The following ZFC3H1 variants were observed in gnomAD, a reference collection of about 807,000 sequenced individuals.
ZFC3H1 encodes zinc finger C3H1 domain-containing protein.
A neutral mutation model predicts 243.7 loss-of-function variants in ZFC3H1; 71 were observed. The observed-to-expected ratio is 0.29, with a 90% confidence interval of 0.24 to 0.36. The LOEUF (loss-of-function observed/expected upper bound fraction) is 0.36. Among genes scored for constraint, ZFC3H1 ranks in the 10% least tolerant of loss-of-function variants. The pLI, the probability that ZFC3H1 is intolerant of heterozygous loss-of-function variation, is 1.00. For synonymous variants in ZFC3H1, 838 were observed against 813.0 expected, an observed-to-expected ratio of 1.03 and a Z score of -0.52; for missense variants, 1,966 against 2,317.1, an observed-to-expected ratio of 0.85 and a Z score of 3.11.
intron 1 of ZFC3H1, chr12:71,660,519 T>G (rs901491493): frequency 1.3e-5 from 2 of 148,568 alleles, no homozygotes; most frequent in Non-Finnish European, 3.0e-5. Flanking sequence ...TTCTGGTACT[T>G]TTTTTTTTTT....
chr12:71,629,140 T>A, intron 19 of ZFC3H1, 103 bp from the exon 20 acceptor site: 15 of 963,562 alleles, frequency 1.6e-5, no homozygotes, highest in Non-Finnish European at 2.0e-5. Context: ...ATTCACTCCA[T>A]CTTAGAAATG....
intron 2 of ZFC3H1, among the ~76,000 whole-genome samples, chr12:71,655,062 T>C (rs1005667146): frequency 2.6e-5 from 4 of 151,912 alleles, no homozygotes; most frequent in African/African-American, 9.7e-5. Context: ...ATCAAGCATA[T>C]CAAAAAATAA....
chr12:71,644,011 C>A (rs1398186215), intron 5 of ZFC3H1, 84 bp downstream of exon 5: 1 of 1,200,794 alleles, frequency 8.3e-7, no homozygotes, highest in East Asian at 2.4e-5. Flanking sequence ...ATAAAATAAA[C>A]TTCCTTATTT....
intron 2 of ZFC3H1, among the ~76,000 whole-genome samples, chr12:71,648,248 T>C (rs1385745875): frequency 6.6e-6 from 1 of 152,186 alleles, no homozygotes; most frequent in Non-Finnish European, 1.5e-5. Context: ...GATTTGTGCA[T>C]TAGAGAATTG....
chr12:71,628,717 T>C (rs1325788022), intron 20 of ZFC3H1, among the ~76,000 whole-genome samples: 1 of 152,202 alleles, frequency 6.6e-6, no homozygotes, highest in Non-Finnish European at 1.5e-5. Context: ...AGAGGAGCCA[T>C]GAACACAAAT....
At position 71,644,951 on chromosome 12, in the gene ZFC3H1, G is replaced by C. The variant is rs770311043; in HGVS notation, c.1205C>G (p.Thr402Ser). ...QVMKESKEKL[T>S]KTKTVQQKVK... ...TTTTTGCTGTACAGTTTTCGTCTTA[G>C]TCAACTTTTCTTTGCTTTCTTTCAT... is the stretch of plus-strand genomic sequence containing the variant. Residue 402 changes from threonine (T) to serine (S), a missense_variant, in exon 4 of 35, where the codon ACT (threonine) becomes AGT (serine). Transcript: ENST00000378743. The C allele has an allele frequency of 6.2e-7, 1 of 1,613,152 alleles. No homozygotes were observed. The highest frequency in any genetic ancestry group is 8.5e-7 in the Non-Finnish European group (1 of 1,180,006).
chr12:71,642,778 C>T (rs571110915), intron 5 of ZFC3H1, among the ~76,000 whole-genome samples: 9 of 152,158 alleles, frequency 5.9e-5, no homozygotes, highest in Admixed American at 4.6e-4. Context: ...TTCCAAAGTA[C>T]GAGCTATACA....
At chr12:71,660,919 C>T (rs544127783) in intron 1 of ZFC3H1, among the ~76,000 whole-genome samples, 14 of 151,716 alleles carry the variant, frequency 9.2e-5, no homozygotes, top group African/African-American at 3.1e-4. Context: ...TCAAGATCAG[C>T]CTGGGCAACA....
Position 71,644,965 on chromosome 12 carries a change from G to A in ZFC3H1, c.1191C>T (p.Ser397=), listed in dbSNP as rs767165213. 2 of 1,613,312 alleles carry A rather than the reference G, an allele frequency of 1.2e-6. No homozygotes were observed. The highest frequency in any genetic ancestry group is 2.2e-5 in the South Asian group (2 of 91,044). ...QQKEQQVMKE[S]KEKLTKTKTV... The stretch of plus-strand genomic sequence containing the variant: ...TTTTCGTCTTAGTCAACTTTTCTTT[G>A]CTTTCTTTCATCACCTGCTGTTCTT... Residue 397 remains serine (S), a synonymous_variant, in exon 4 of 35, where the codon AGC becomes AGT. Coordinates refer to ENST00000378743, the MANE Select transcript of ZFC3H1 (RefSeq NM_144982.5).
Position 71,614,955 on chromosome 12 carries a change from G to A in ZFC3H1, c.5256-17C>T, listed in dbSNP as rs1259196536. The A allele has an allele frequency of 6.3e-7, 1 of 1,576,638 alleles. No homozygotes were observed. Among genetic ancestry groups the A allele is most frequent in the Non-Finnish European group, 8.7e-7 (1 of 1,146,974 alleles). ...TGACAAAGGCTGTTTAAAAAATGAA[G>A]GAAAACATATGTCTATCATTCATTT... On this transcript the variant is annotated splice_polypyrimidine_tract_variant and intron_variant, in intron 28 of 34. Transcript: ENST00000378743.
intron 27 of ZFC3H1, among the ~76,000 whole-genome samples, chr12:71,618,138 G>A (rs1013993432): frequency 8.5e-5 from 13 of 152,064 alleles, no homozygotes; most frequent in Middle Eastern, 3.4e-3. Context: ...GGGGGTGTGC[G>A]CCTGTAATCC....
rs1193440172 is a variant in ZFC3H1 at position 71,633,389 on chromosome 12, C to G, written c.2560G>C (p.Glu854Gln). The change falls in exon 13 of 35, where the codon GAA (glutamate) becomes CAA (glutamine). Residue 854 changes from glutamate (E) to glutamine (Q), a missense_variant. Physicochemically the swap from Glu to Gln is conservative, Grantham distance 29. This residue lies in a region of ZFC3H1 where 1,383 missense variants were observed against 1,723.7 expected (regional missense o/e 0.80). Coordinates refer to ENST00000378743, the MANE Select transcript of ZFC3H1 (RefSeq NM_144982.5). ...ESVLKNLVQQ[E>Q]AKKKESVRNA... Reference sequence around the variant, plus strand: ...CTAACAGATTCTTTCTTCTTAGCTTCTTGTTGCACTAAATTCTTTAAAACA... The same window carrying G: ...CTAACAGATTCTTTCTTCTTAGCTTGTTGTTGCACTAAATTCTTTAAAACA... 1 of 1,591,252 alleles carries G rather than the reference C, an allele frequency of 6.3e-7. No homozygotes were observed. The highest frequency in any genetic ancestry group is 1.3e-5 in the African/African-American group (1 of 74,112).
In ZFC3H1 at chr12:71,637,100, T is replaced by C. The variant is rs189373982; in HGVS notation, c.1726-41A>G. ...AGAAAGAATTACAACGCAAATTTTA[T>C]CAACTCAAATGCTTCTCTCTGCAGC... is the stretch of plus-strand genomic sequence containing the variant. On this transcript the variant is annotated intron_variant, in intron 7 of 34. Transcript: ENST00000378743. 2,012 of 1,522,118 alleles carry C rather than the reference T, an allele frequency of 1.3e-3. 3 individuals carry two copies. Among genetic ancestry groups the C allele is most frequent in the Non-Finnish European group, 1.7e-3 (1,892 of 1,112,102 alleles). 94.3% of individuals were successfully genotyped at this position (1,522,118 alleles called of 1,614,324 possible).
chr12:71,636,955 T>C lies in ZFC3H1; in HGVS notation c.1830A>G (p.Glu610=). The C allele has an allele frequency of 1.2e-6, 2 of 1,614,080 alleles. No individual in the cohort carries two copies. The highest frequency in any genetic ancestry group is 1.6e-4 in the Middle Eastern group (1 of 6,062). ...CTGCAAAAGGTGGTTTTGGAGGCTG[T>C]TCTGGATCTTCAGGTGGGAGAGGTG... ...PLPPLPPEDP[E]QPPKPPFADE... The change falls in exon 8 of 35, where the codon GAA becomes GAG. Residue 610 remains glutamate, a synonymous_variant. Coordinates refer to ENST00000378743, the MANE Select transcript of ZFC3H1 (RefSeq NM_144982.5).
intron 9 of ZFC3H1, among the ~76,000 whole-genome samples, chr12:71,635,880 T>A (rs1395763615): frequency 6.6e-6 from 1 of 152,130 alleles, no homozygotes; most frequent in African/African-American, 2.4e-5. Context: ...AAAGAAAAAT[T>A]TTGTTAATTT....
chr12:71,663,044 GCT>G lies in ZFC3H1; in HGVS notation c.565_566del (p.Ser189LeufsTer29). ...TCCGAGGTGGAGAGGGCTCTCGCCA[GCT>G]CTGACTGCTGCTGAACCCGGATCCT... is the stretch of plus-strand genomic sequence containing the variant. ...GAGSGFSSSQ[S>X]WREPSPPRKS... On this transcript the variant is annotated frameshift_variant, in exon 1 of 35. Coordinates refer to ENST00000378743, the MANE Select transcript of ZFC3H1 (RefSeq NM_144982.5). LOFTEE classifies it high-confidence loss of function. 2 of 1,612,216 alleles carry G rather than the reference GCT, an allele frequency of 1.2e-6. No homozygotes were observed. Among genetic ancestry groups the G allele is most frequent in the Non-Finnish European group, 1.7e-6 (2 of 1,179,556 alleles).
chr12:71,628,997 C>T lies in ZFC3H1; in HGVS notation c.3867G>A (p.Lys1289=), dbSNP rs959463864. The part of the protein sequence containing the change: ...FTTYKDKRKW[K]PKFWRKPISD... ...AAATAGGTTTTCTCCAAAACTTTGG[C>T]TTCCACTTTCTTTTATCTTTGTAGG... The change falls in exon 20 of 35, where the codon AAG becomes AAA. Residue 1289 remains lysine (K), a synonymous_variant. Coordinates refer to ENST00000378743, the MANE Select transcript of ZFC3H1 (RefSeq NM_144982.5). 3 of 1,613,074 alleles carry T rather than the reference C, an allele frequency of 1.9e-6. No individual in the cohort carries two copies. The highest frequency in any genetic ancestry group is 2.2e-5 in the South Asian group (2 of 91,014).
chr12:71,614,373 A>G (rs1263829836), intron 30 of ZFC3H1, among the ~76,000 whole-genome samples, 162 bp downstream of exon 30: 1 of 152,206 alleles, frequency 6.6e-6, no homozygotes, highest in Non-Finnish European at 1.5e-5. Flanking sequence ...CTATTGCTAG[A>G]CTCTGAATAG....
Position 71,663,655 on chromosome 12 carries a change from G to A in ZFC3H1, c.-45C>T. On this transcript the variant is annotated 5_prime_UTR_variant, in exon 1 of 35. Coordinates refer to ENST00000378743, the MANE Select transcript of ZFC3H1 (RefSeq NM_144982.5). ...ACACAACCTTAGCCCTCCGTCCGGG[G>A]ATCCGCCCGACAATTGCCTCGTTTC... The A allele has an allele frequency of 2.5e-6, 4 of 1,570,080 alleles. No homozygotes were observed. Among genetic ancestry groups the A allele is most frequent in the Non-Finnish European group, 3.4e-6 (4 of 1,159,824 alleles).
Sources: gnomAD v4.1 joint callset for allele counts (sites outside exome capture counted in the v4.1 genomes callset) on GRCh38, gnomAD v4.1.1 for gene constraint, gnomAD v4.1.1 regional missense constraint, MANE v1.5 for transcripts, NCBI Gene and HGNC (gene_info 2026-07-23, HGNC 2026-07-21) for gene names.